FAM117A: variants seen among roughly 807,000 people sequenced by gnomAD.
The protein encoded by FAM117A is family with sequence similarity 117 member A, also known as protein FAM117A.
Under a neutral mutation model 44.1 loss-of-function variants are expected in FAM117A, and 21 were observed. The ratio of observed to expected loss-of-function variants is 0.48; its 90% CI spans 0.34 to 0.69. The LOEUF (loss-of-function observed/expected upper bound fraction) is 0.69. Among genes scored for constraint, FAM117A ranks in the 30% least tolerant of loss-of-function variants. The pLI, the probability that FAM117A is intolerant of heterozygous loss-of-function variation, is 0.01. For missense variants in FAM117A, 498 were observed against 589.9 expected, an observed-to-expected ratio of 0.84 and a Z score of 1.61; for synonymous variants, 220 against 238.3, an observed-to-expected ratio of 0.92 and a Z score of 0.71.
chr17:49,778,400 T>G (rs1050783566), intron 1 of FAM117A, among the ~76,000 whole-genome samples: 1 of 152,220 alleles, frequency 6.6e-6, no homozygotes, highest in Non-Finnish European at 1.5e-5. Context: ...TAGTGTTGAC[T>G]TTTGGGATTT....
chr17:49,734,945 A>G (rs1008600010), intron 1 of FAM117A, among the ~76,000 whole-genome samples: 1 of 152,208 alleles, frequency 6.6e-6, no homozygotes, highest in Non-Finnish European at 1.5e-5. Flanking sequence ...TTCTTGAGGT[A>G]TCTAGAATAG....
chr17:49,711,880 C>T (rs753325793), intron 7 of FAM117A, among the ~76,000 whole-genome samples: 1 of 152,220 alleles, frequency 6.6e-6, no homozygotes, highest in Non-Finnish European at 1.5e-5. Flanking sequence ...CACGGTGGCT[C>T]ACGCCTATAA....
upstream of FAM117A, among the ~76,000 whole-genome samples, chr17:49,765,326 T>G (rs986327358): frequency 1.3e-5 from 2 of 152,248 alleles, no homozygotes; most frequent in Non-Finnish European, 2.9e-5. Context: ...AATTCTATTT[T>G]TGATCTTGCT....
At chr17:49,766,058 G>C (rs1208324486), upstream of FAM117A, among the ~76,000 whole-genome samples, 2 of 152,056 alleles carry the variant, frequency 1.3e-5, no homozygotes, top group African/African-American at 4.8e-5. Flanking sequence ...CTTTCTCCAT[G>C]CTAGGTACAT....
chr17:49,742,813 G>A (rs2073640097), intron 1 of FAM117A, among the ~76,000 whole-genome samples: 1 of 152,180 alleles, frequency 6.6e-6, no homozygotes, highest in Admixed American at 6.5e-5. Context: ...AGCCCAGTCA[G>A]CTCTTAGGTA....
intron 1 of FAM117A, among the ~76,000 whole-genome samples, chr17:49,749,575 CAAAAA>C (rs1167215497): frequency 4.4e-5 from 2 of 45,858 alleles, no homozygotes; most frequent in Non-Finnish European, 5.1e-5. Flanking sequence ...GACTCCGTCT[CAAAAA>C]AAAAAAAAAA....
intron 1 of FAM117A, among the ~76,000 whole-genome samples, chr17:49,746,210 A>G (rs906317185): frequency 6.6e-6 from 1 of 152,234 alleles, no homozygotes; most frequent in African/African-American, 2.4e-5. Flanking sequence ...CCATTGTGGC[A>G]AAAGTTATCA....
intron 1 of FAM117A, among the ~76,000 whole-genome samples, chr17:49,784,306 G>A (rs2143809865): frequency 6.6e-6 from 1 of 152,256 alleles, no homozygotes; most frequent in African/African-American, 2.4e-5. Context: ...CTTGTCTCTG[G>A]CTAAGGCTAT....
At chr17:49,739,742 C>T (rs960904231) in intron 1 of FAM117A, among the ~76,000 whole-genome samples, 1 of 152,230 alleles carries the variant, frequency 6.6e-6, no homozygotes, top group African/African-American at 2.4e-5. Flanking sequence ...GCTTCCCTAT[C>T]AGAGAAGAGA....
intron 7 of FAM117A, among the ~76,000 whole-genome samples, chr17:49,713,987 G>A (rs1342109152): frequency 3.3e-5 from 5 of 152,154 alleles, no homozygotes; most frequent in Non-Finnish European, 7.3e-5. Context: ...TTCCCTGATG[G>A]AGAAGGGTTT....
intron 2 of FAM117A, 49 bp from the exon 3 acceptor site, chr17:49,722,643 C>T: frequency 1.3e-6 from 2 of 1,496,674 alleles, no homozygotes; most frequent in African/African-American, 2.8e-5. Flanking sequence ...TTGGCAGGCA[C>T]TGGGGAACAG....
intron 2 of FAM117A, among the ~76,000 whole-genome samples, chr17:49,731,651 C>T (rs1190699875): frequency 1.3e-5 from 2 of 152,246 alleles, no homozygotes; most frequent in African/African-American, 4.8e-5. Flanking sequence ...TCTCCATTAT[C>T]TGAGAACTTC....
At chr17:49,735,389 C>CA (rs558001753) in intron 1 of FAM117A, among the ~76,000 whole-genome samples, 7,903 of 139,128 alleles carry the variant, frequency 0.057, 315 homozygotes, top group Middle Eastern at 0.092. Flanking sequence ...GACTCCGTCT[C>CA]AAAAAAAAAA....
chr17:49,756,572 G>A (rs954675208), intron 1 of FAM117A, among the ~76,000 whole-genome samples: 3 of 150,848 alleles, frequency 2.0e-5, no homozygotes, highest in Non-Finnish European at 4.4e-5. Context: ...TGGCATTACT[G>A]GATTCCAACC....
upstream of FAM117A, among the ~76,000 whole-genome samples, chr17:49,767,242 C>T (rs1391307536): frequency 6.6e-6 from 1 of 152,120 alleles, no homozygotes; most frequent in African/African-American, 2.4e-5. Context: ...TGAAGGAAGC[C>T]TTGGCTTTGG....
rs540875129 is a variant in FAM117A at position 49,763,730 on chromosome 17, C to T, written c.196+162G>A. Among the ~76,000 whole-genome samples the T allele has an allele frequency of 5.3e-5, 8 of 152,102 alleles. No individual in the cohort carries two copies. The East Asian group carries it at 1.6e-3, about 30-fold the overall frequency. On this transcript the variant is annotated intron_variant, in intron 1 of 7. Transcript: ENST00000240364. ...GTGCTCCCCACGTTTCACGGCTCCT[C>T]GCTCTTGCTCCCTCCGCCCTCATAG...
At chr17:49,760,274 A>G (rs2073717544) in intron 1 of FAM117A, among the ~76,000 whole-genome samples, 1 of 152,192 alleles carries the variant, frequency 6.6e-6, no homozygotes, top group Admixed American at 6.5e-5. Context: ...TCTGAGGTTT[A>G]TATTACACAC....
chr17:49,749,004 C>T (rs978012553), intron 1 of FAM117A, among the ~76,000 whole-genome samples: 2 of 152,112 alleles, frequency 1.3e-5, no homozygotes, highest in Non-Finnish European at 2.9e-5. Context: ...AAGGTTTTCA[C>T]TGACTAAAAA....
rs142161617 is a variant in FAM117A, at chr17:49,720,198, CTA to C, written c.573+126_573+127del. The stretch of plus-strand genomic sequence containing the variant: ...ATCACACAGCAAGACCAAGTTTGGA[CTA>C]AAACTTCACAAAGCATGCAGTGTGG... On this transcript the variant is annotated intron_variant, in intron 4 of 7. Transcript: ENST00000240364. 417 of 775,056 alleles carry C rather than the reference CTA, an allele frequency of 5.4e-4. 2 individuals are homozygous for C. The African/African-American group carries it at 6.7e-3, about 12-fold the overall frequency. The allele number at this position is 775,056 out of a possible 1,614,324, so 48.0% of individuals were successfully genotyped here. A position where few individuals can be genotyped will look rare whatever the true frequency, so the allele number is the denominator to read the frequency against.
Sources: gnomAD v4.1 joint callset for allele counts (sites outside exome capture counted in the v4.1 genomes callset) on GRCh38, gnomAD v4.1.1 for gene constraint, MANE v1.5 for transcripts, NCBI Gene and HGNC (gene_info 2026-07-23, HGNC 2026-07-21) for gene names.